Variants in DAB1 observed in about 807,000 individuals in gnomAD.
DAB1 encodes disabled homolog 1.
DAB1 carries 15 observed loss-of-function variants against 64.6 expected under a neutral mutation model. The ratio of observed to expected loss-of-function variants is 0.23; its 90% CI spans 0.16 to 0.36. The LOEUF (loss-of-function observed/expected upper bound fraction) is 0.36, where lower values mean the gene tolerates loss of function less well. DAB1 is among the 10% of genes least tolerant of loss of function. The pLI is 1.00. For missense variants in DAB1, 596 were observed against 706.7 expected (o/e 0.84, Z 1.78); for synonymous variants, 235 against 251.9 (o/e 0.93, Z 0.64).
At chr1:58,241,545 G>A (rs1484331855) in intron 4 of DAB1, among the ~76,000 whole-genome samples, 2 of 151,692 alleles carry the variant, frequency 1.3e-5, no homozygotes, top group Non-Finnish European at 2.9e-5. Flanking sequence ...TAAACTTCTA[G>A]GGAAGGAAAA....
At chr1:57,518,669 G>A (rs6681889) in intron 7 of DAB1, among the ~76,000 whole-genome samples, 10,633 of 152,092 alleles carry the variant, frequency 0.07, 1,160 homozygotes, top group African/African-American at 0.23. Context: ...TCCTGCTTTG[G>A]CGTCAGTAGA....
intron 7 of DAB1, among the ~76,000 whole-genome samples, chr1:57,501,690 A>T (rs1046558020): frequency 8.5e-5 from 13 of 152,312 alleles, no homozygotes; most frequent in African/African-American, 2.9e-4. Flanking sequence ...CAGTTTGAAA[A>T]TTTTTGTATA....
chr1:58,293,568 A>T (rs1379676426), intron 4 of DAB1, among the ~76,000 whole-genome samples: 1 of 151,986 alleles, frequency 6.6e-6, no homozygotes, highest in African/African-American at 2.4e-5. Context: ...CCTACTTACC[A>T]CTGGAAACCA....
intron 7 of DAB1, among the ~76,000 whole-genome samples, chr1:57,481,233 G>A (rs535610827): frequency 6.6e-6 from 1 of 152,220 alleles, no homozygotes; most frequent in African/African-American, 2.4e-5. Context: ...ATCCCCAGGT[G>A]ATGCAAAAGA....
At chr1:57,735,250 G>A (rs1207187548) in intron 6 of DAB1, among the ~76,000 whole-genome samples, 1 of 152,138 alleles carries the variant, frequency 6.6e-6, no homozygotes, top group African/African-American at 2.4e-5. Flanking sequence ...TTTACTACTG[G>A]TTCTGCTACT....
intron 7 of DAB1, among the ~76,000 whole-genome samples, chr1:57,522,917 C>T (rs942854169): frequency 1.4e-4 from 21 of 152,180 alleles, no homozygotes; most frequent in Admixed American, 2.0e-4. Flanking sequence ...CCAAGTTCTT[C>T]GGCTTTTGAA....
At chr1:58,211,423 TTC>T (rs1658545385) in intron 4 of DAB1, among the ~76,000 whole-genome samples, 1 of 152,196 alleles carries the variant, frequency 6.6e-6, no homozygotes, top group East Asian at 1.9e-4. Flanking sequence ...AAATAACTTT[TTC>T]TGATGATCAC....
chr1:57,086,502 G>A (rs1342259370), intron 4 of DAB1, among the ~76,000 whole-genome samples: 1 of 152,106 alleles, frequency 6.6e-6, no homozygotes, highest in Non-Finnish European at 1.5e-5. Flanking sequence ...CTGGTCTGGG[G>A]ACAGTTTGGC....
At chr1:58,179,933 T>TA (rs1437705804) in intron 4 of DAB1, among the ~76,000 whole-genome samples, 1 of 151,710 alleles carries the variant, frequency 6.6e-6, no homozygotes, top group Non-Finnish European at 1.5e-5. Context: ...AAAAAAACAA[T>TA]AAAAAAACAA....
chr1:58,137,429 C>T (rs1446658654), intron 5 of DAB1, among the ~76,000 whole-genome samples: 1 of 152,144 alleles, frequency 6.6e-6, no homozygotes, highest in East Asian at 1.9e-4. Flanking sequence ...CATATCCATT[C>T]ATCACCATCC....
chr1:57,357,746 C>A (rs1319321325), intron 1 of DAB1, among the ~76,000 whole-genome samples: 1 of 151,838 alleles, frequency 6.6e-6, no homozygotes, highest in African/African-American at 2.4e-5. Context: ...ATCCTTCTCA[C>A]GTGGCGGCAG....
At chr1:58,368,921 G>C (rs549561734) in intron 3 of DAB1, among the ~76,000 whole-genome samples, 5 of 152,246 alleles carry the variant, frequency 3.3e-5, no homozygotes, top group African/African-American at 9.6e-5. Context: ...CAGTTACTTG[G>C]GGGGCTGAAG....
At chr1:58,209,998 A>G (rs1658472834) in intron 4 of DAB1, among the ~76,000 whole-genome samples, 1 of 152,276 alleles carries the variant, frequency 6.6e-6, no homozygotes, top group Non-Finnish European at 1.5e-5. Context: ...TAATGAGGAG[A>G]ATTTTACAGT....
intron 7 of DAB1, among the ~76,000 whole-genome samples, chr1:57,610,971 C>G (rs1645718600): frequency 6.6e-6 from 1 of 152,148 alleles, no homozygotes; most frequent in Admixed American, 6.5e-5. Context: ...CTAGTTACTT[C>G]TGGATGCTTA....
intron 4 of DAB1, among the ~76,000 whole-genome samples, chr1:58,198,392 TAGC>T (rs1222469226): frequency 6.6e-6 from 1 of 152,210 alleles, no homozygotes; most frequent in Non-Finnish European, 1.5e-5. Context: ...CTGGGACAGG[TAGC>T]AGATAGGCAA....
chr1:57,445,356 G>T (rs929010768), intron 7 of DAB1, among the ~76,000 whole-genome samples: 3 of 152,052 alleles, frequency 2.0e-5, no homozygotes, highest in Non-Finnish European at 2.9e-5. Flanking sequence ...AGGGTTATCT[G>T]ACTAGCCCAA....
Position 58,059,319 on chromosome 1 carries a change from C to T in DAB1, n.387+91192G>A, listed in dbSNP as rs190706942. Among the ~76,000 whole-genome samples, 754 of 152,284 alleles carry T rather than the reference C, an allele frequency of 5.0e-3. 5 individuals carry two copies. The highest frequency in any genetic ancestry group is 0.041 in the Middle Eastern group (12 of 294). On this transcript the variant is annotated intron_variant and non_coding_transcript_variant, in intron 5 of 20. Coordinates refer to the DAB1 transcript ENST00000485760. Reference sequence around the variant, plus strand: ...TAGGGAAGTCACTGCAACCCATGTACCTCAGTTTCTTCATCCATAAAATGG... The same window carrying T: ...TAGGGAAGTCACTGCAACCCATGTATCTCAGTTTCTTCATCCATAAAATGG...
At chr1:57,811,717 C>T (rs917606176) in intron 6 of DAB1, among the ~76,000 whole-genome samples, 12 of 152,098 alleles carry the variant, frequency 7.9e-5, no homozygotes, top group African/African-American at 2.9e-4. Flanking sequence ...GATCTTGTTC[C>T]CTGCTCCATC....
intron 7 of DAB1, among the ~76,000 whole-genome samples, chr1:57,496,389 ACAT>A (rs1644230770): frequency 6.6e-6 from 1 of 152,186 alleles, no homozygotes; most frequent in Non-Finnish European, 1.5e-5. Flanking sequence ...AAATAGGCCT[ACAT>A]CCTGAGATTG....
Sources: allele counts gnomAD v4.1 joint callset (sites outside exome capture counted in the v4.1 genomes callset), GRCh38; gene constraint gnomAD v4.1.1; transcripts MANE v1.5; gene names NCBI Gene and HGNC (gene_info 2026-07-23, HGNC 2026-07-21).